SNTG1: variants seen among roughly 807,000 people sequenced by gnomAD.
The protein encoded by SNTG1 is gamma-1-syntrophin.
SNTG1 carries 39 observed loss-of-function variants against 74.7 expected under a neutral mutation model. The ratio of observed to expected loss-of-function variants is 0.52; its 90% CI spans 0.40 to 0.68. The LOEUF (loss-of-function observed/expected upper bound fraction) is 0.68. Ranked by LOEUF, SNTG1 falls within the 30% of genes least tolerant of loss-of-function variation. The pLI, the probability that SNTG1 is intolerant of heterozygous loss-of-function variation, is 0.00. For synonymous variants in SNTG1, 254 were observed against 217.1 expected (o/e 1.17, Z -1.49); for missense variants, 685 against 609.5 (o/e 1.12, Z -1.30).
intron 18 of SNTG1, among the ~76,000 whole-genome samples, chr8:50,783,822 T>G (rs2095667153): frequency 6.6e-6 from 1 of 152,236 alleles, no homozygotes; most frequent in Non-Finnish European, 1.5e-5. Context: ...CTGGAGCTGT[T>G]CCTATTTGGC....
chr8:50,030,702 C>T (rs529391460), intron 1 of SNTG1, among the ~76,000 whole-genome samples: 2 of 152,028 alleles, frequency 1.3e-5, no homozygotes, highest in African/African-American at 4.8e-5. Flanking sequence ...TTTCATTGAT[C>T]TATTGTCAAT....
At chr8:50,398,493 C>T (rs2092757620) in intron 3 of SNTG1, among the ~76,000 whole-genome samples, 1 of 152,180 alleles carries the variant, frequency 6.6e-6, no homozygotes, top group African/African-American at 2.4e-5. Context: ...TGATTGTTTC[C>T]TCAATTAATT....
intron 2 of SNTG1, among the ~76,000 whole-genome samples, chr8:50,328,158 A>T (rs548490555): frequency 6.6e-6 from 1 of 151,488 alleles, no homozygotes; most frequent in African/African-American, 2.4e-5. Context: ...CGAGTTTCTG[A>T]TCTATATCAT....
At chr8:50,665,524 C>G (rs531988687) in intron 15 of SNTG1, among the ~76,000 whole-genome samples, 20 of 152,110 alleles carry the variant, frequency 1.3e-4, no homozygotes, top group Non-Finnish European at 1.9e-4. Flanking sequence ...CAGCAAAGCT[C>G]TCCATTTCTC....
chr8:49,972,340 C>T (rs1033981699), intron 1 of SNTG1, among the ~76,000 whole-genome samples: 1 of 152,174 alleles, frequency 6.6e-6, no homozygotes, highest in African/African-American at 2.4e-5. Context: ...TGGATCCCTT[C>T]CTTACATCTT....
At chr8:50,129,024 C>A (rs1439065978) in intron 1 of SNTG1, among the ~76,000 whole-genome samples, 1 of 151,958 alleles carries the variant, frequency 6.6e-6, no homozygotes, top group Non-Finnish European at 1.5e-5. Flanking sequence ...AGAGTCAGAA[C>A]ATCATTTGAT....
rs185854321 is a variant in SNTG1, at chr8:49,940,214, C to T, written c.-103+27983C>T. Among the ~76,000 whole-genome samples the T allele has an allele frequency of 5.3e-5, 8 of 152,248 alleles. No homozygotes were observed. The East Asian group carries it at 1.4e-3, about 26-fold the overall frequency. ...CTGGGAAACTGCACCAAAAGGTAGT[C>T]AGCTAGGTAACATGCACCAAATACA... On this transcript the variant is annotated intron_variant, in intron 1 of 18. Transcript: ENST00000642720.
intron 8 of SNTG1, among the ~76,000 whole-genome samples, chr8:50,483,302 TC>T: frequency 6.6e-6 from 1 of 152,292 alleles, no homozygotes; most frequent in East Asian, 1.9e-4. Flanking sequence ...ATAGAATGGA[TC>T]TATGTATTTT....
At chr8:50,565,334 A>T (rs922512167) in intron 12 of SNTG1, among the ~76,000 whole-genome samples, 4 of 152,000 alleles carry the variant, frequency 2.6e-5, no homozygotes, top group Admixed American at 2.6e-4. Flanking sequence ...TTTCGTTAAT[A>T]TTAGTGTATT....
chr8:50,140,286 G>C, intron 1 of SNTG1, among the ~76,000 whole-genome samples: 1 of 152,126 alleles, frequency 6.6e-6, no homozygotes, highest in East Asian at 1.9e-4. Flanking sequence ...TGTCACACAT[G>C]GCATTGCATC....
In SNTG1 at chr8:50,409,258, C is replaced by T. The variant is rs542871089; in HGVS notation, c.162+6914C>T. On this transcript the variant is annotated intron_variant, in intron 4 of 18. Transcript: ENST00000642720. ...TTAGAAACTTGTGTCAACATTTTCA[C>T]CTACAAGAGACAGCTAGAGAGTTAA... 2.6e-4 allele frequency among the ~76,000 whole-genome samples: 39 copies of T among 152,298 alleles called. 1 individual carries two copies. The South Asian group carries it at 7.5e-3, about 29-fold the overall frequency.
At chr8:50,151,616 T>C (rs993124154) in intron 1 of SNTG1, among the ~76,000 whole-genome samples, 33 of 152,368 alleles carry the variant, frequency 2.2e-4, no homozygotes, top group African/African-American at 7.9e-4. Flanking sequence ...TTTGTCTTTG[T>C]TCTCATTGGT....
intron 2 of SNTG1, among the ~76,000 whole-genome samples, chr8:50,265,023 A>G (rs1407484525): frequency 6.6e-6 from 1 of 152,158 alleles, no homozygotes; most frequent in Non-Finnish European, 1.5e-5. Flanking sequence ...CTCAGGTCAA[A>G]TAATGTTACT....
chr8:50,231,140 A>T (rs1302996822), intron 2 of SNTG1, among the ~76,000 whole-genome samples: 1 of 151,472 alleles, frequency 6.6e-6, no homozygotes, highest in African/African-American at 2.4e-5. Flanking sequence ...AAAATTCAAC[A>T]TCACTAACCA....
chr8:50,405,311 G>A (rs966279766), intron 4 of SNTG1, among the ~76,000 whole-genome samples: 1 of 152,102 alleles, frequency 6.6e-6, no homozygotes, highest in Admixed American at 6.6e-5. Flanking sequence ...TGCCAAGCCT[G>A]TTGTTTTCTG....
chr8:49,987,610 C>A (rs1813289366), intron 1 of SNTG1, among the ~76,000 whole-genome samples: 1 of 150,444 alleles, frequency 6.6e-6, no homozygotes, highest in Non-Finnish European at 1.5e-5. Flanking sequence ...TAGGTCGGTG[C>A]AAAAGTAATT....
chr8:50,668,318 T>C (rs912932954), intron 15 of SNTG1, among the ~76,000 whole-genome samples: 1 of 151,808 alleles, frequency 6.6e-6, no homozygotes, highest in Non-Finnish European at 1.5e-5. Context: ...TGCCAAGTAT[T>C]AATTAATTAA....
chr8:50,072,168 A>C (rs1821427448), intron 1 of SNTG1, among the ~76,000 whole-genome samples: 1 of 152,202 alleles, frequency 6.6e-6, no homozygotes, highest in Non-Finnish European at 1.5e-5. Context: ...TTTGCCTTGG[A>C]CAAGTAATAT....
At chr8:50,153,448 G>A (rs2082142326) in intron 1 of SNTG1, among the ~76,000 whole-genome samples, 1 of 152,334 alleles carries the variant, frequency 6.6e-6, no homozygotes, top group South Asian at 2.1e-4. Context: ...CTGGCGAGGA[G>A]CTGTGTTCCT....
Sources: gnomAD v4.1 joint callset for allele counts (sites outside exome capture counted in the v4.1 genomes callset) on GRCh38, gnomAD v4.1.1 for gene constraint, MANE v1.5 for transcripts, NCBI Gene and HGNC (gene_info 2026-07-23, HGNC 2026-07-21) for gene names.